The following SKA1 variants were observed in gnomAD, a reference collection of about 807,000 sequenced individuals.
SKA1 encodes the protein SKA complex subunit 1.
In SKA1, 20 loss-of-function variants were observed where a neutral mutation model predicts 31.8. The ratio of observed to expected loss-of-function variants is 0.63; its 90% CI spans 0.44 to 0.91. The LOEUF (loss-of-function observed/expected upper bound fraction) is 0.91. Among genes scored for constraint, SKA1 ranks in the 40% least tolerant of loss-of-function variants. The probability of loss-of-function intolerance (pLI) is 0.00; values close to 1 mark genes in which losing one functional copy is unlikely to be tolerated. For missense variants in SKA1, 253 were observed against 298.2 expected, an observed-to-expected ratio of 0.85 and a Z score of 1.12; for synonymous variants, 88 against 100.5, an observed-to-expected ratio of 0.88 and a Z score of 0.74.
chr18:50,388,653 A>G (rs993468003), intron 5 of SKA1, among the ~76,000 whole-genome samples: 1 of 151,910 alleles, frequency 6.6e-6, no homozygotes, highest in Non-Finnish European at 1.5e-5. Flanking sequence ...TCATCTAACT[A>G]CCCTTCCCCT....
chr18:50,387,177 G>T, intron 5 of SKA1, among the ~76,000 whole-genome samples: 1 of 152,154 alleles, frequency 6.6e-6, no homozygotes, highest in East Asian at 1.9e-4. Flanking sequence ...ATTTGGTATT[G>T]TCAGTGTTCT....
chr18:50,381,721 TGG>T (rs775168670), intron 3 of SKA1, among the ~76,000 whole-genome samples: 1 of 48,338 alleles, frequency 2.1e-5, no homozygotes, highest in African/African-American at 9.8e-5. Context: ...CCAGTCAATG[TGG>T]TTTTTTTTTT....
intron 4 of SKA1, among the ~76,000 whole-genome samples, chr18:50,383,135 T>A (rs2041275971): frequency 6.6e-6 from 1 of 152,190 alleles, no homozygotes; most frequent in African/African-American, 2.4e-5. Context: ...GGTGTGTCTG[T>A]GCTTCTGCTT....
At chr18:50,389,375 C>CCTT (rs2041337881) in intron 5 of SKA1, among the ~76,000 whole-genome samples, 1 of 86,138 alleles carries the variant, frequency 1.2e-5, no homozygotes, top group African/African-American at 5.0e-5. Flanking sequence ...CTTTACCTTT[C>CCTT]TTTTTTTTTT....
At position 50,392,614 on chromosome 18, in the gene SKA1, C is replaced by T. The variant is rs1436927335; in HGVS notation, c.*367C>T. ...GAGCTCCTGAGCTCAAACAATCCAC[C>T]CTCCTCAGCCTCCCAAAGTGCTGGG... On this transcript the variant is annotated 3_prime_UTR_variant, in exon 7 of 7. Transcript: ENST00000285116. 6.3e-6 allele frequency: 1 copy of T among 157,840 alleles called. No homozygotes were observed. Among genetic ancestry groups the T allele is most frequent in the Non-Finnish European group, 1.4e-5 (1 of 72,014 alleles). 9.8% of individuals were successfully genotyped at this position (157,840 alleles called of 1,614,324 possible).
intron 2 of SKA1, among the ~76,000 whole-genome samples, chr18:50,377,122 A>G (rs977596838): frequency 3.9e-5 from 6 of 152,170 alleles, no homozygotes; most frequent in African/African-American, 1.4e-4. Flanking sequence ...TAAACTAGTA[A>G]CCATTTATTA....
Position 50,391,206 on chromosome 18 carries a change from A to C in SKA1, c.532A>C (p.Ile178Leu). ...INKAVISKYK[I>L]LHQPKKSMNS... Reference sequence around the variant, plus strand: ...CAAGGCAGTAATTAGTAAATATAAAATCCTACATCAGCCAAAAAAGTCTAT... The same window carrying C: ...CAAGGCAGTAATTAGTAAATATAAACTCCTACATCAGCCAAAAAAGTCTAT... The change falls in exon 6 of 7, where the codon ATC (isoleucine) becomes CTC (leucine). Residue 178 changes from isoleucine (I) to leucine (L), a missense_variant. Transcript: ENST00000285116. 6.2e-7 allele frequency: 1 copy of C among 1,606,930 alleles called. No homozygotes were observed. The highest frequency in any genetic ancestry group is 1.1e-5 in the South Asian group (1 of 88,886).
At chr18:50,383,900 A>G (rs957319320) in intron 4 of SKA1, among the ~76,000 whole-genome samples, 3 of 152,202 alleles carry the variant, frequency 2.0e-5, no homozygotes, top group East Asian at 3.8e-4. Flanking sequence ...ATTATCATGC[A>G]TTGGGCATCT....
chr18:50,385,847 GC>G (rs2041303389), intron 5 of SKA1, among the ~76,000 whole-genome samples: 1 of 152,132 alleles, frequency 6.6e-6, no homozygotes, highest in Non-Finnish European at 1.5e-5. Flanking sequence ...TTTACATATG[GC>G]AATAATGGGG....
At position 50,383,596 on chromosome 18, in the gene SKA1, T is replaced by C. The variant is rs16951830; in HGVS notation, c.311+1370T>C. On this transcript the variant is annotated intron_variant, in intron 4 of 6. Transcript: ENST00000285116. ...CACCTCGGTGAGGACTTGGCATCTT[T>C]ATCCTGTCTTGCTCTTTCTCAGCCA... Among the ~76,000 whole-genome samples, 733 of 152,370 alleles carry C rather than the reference T, an allele frequency of 4.8e-3. 3 individuals carry two copies. Among genetic ancestry groups the C allele is most frequent in the African/African-American group, 0.017 (706 of 41,586 alleles).
At chr18:50,375,283 G>C (rs1345088055) in intron 1 of SKA1, 89 bp downstream of exon 1, 14 of 152,534 alleles carry the variant, frequency 9.2e-5, no homozygotes. Context: ...GCCGGGCTTG[G>C]GGGAGGACGG....
chr18:50,385,065 G>T, intron 4 of SKA1, 151 bp from the exon 5 acceptor site: 1 of 593,422 alleles, frequency 1.7e-6, no homozygotes, highest in Non-Finnish European at 2.8e-6. Flanking sequence ...TAATGTTCAT[G>T]AACAATAGAC....
At chr18:50,383,621 A>G (rs2041279833) in intron 4 of SKA1, among the ~76,000 whole-genome samples, 1 of 152,162 alleles carries the variant, frequency 6.6e-6, no homozygotes, top group African/African-American at 2.4e-5. Context: ...TTTCTCAGCC[A>G]TTACCTGTCA....
intron 5 of SKA1, among the ~76,000 whole-genome samples, chr18:50,390,853 C>A (rs2041351229): frequency 6.6e-6 from 1 of 152,114 alleles, no homozygotes; most frequent in Non-Finnish European, 1.5e-5. Flanking sequence ...CCATTTGAAT[C>A]AGAATTTGAG....
chr18:50,391,028 A>C (rs2041352497), intron 5 of SKA1, 96 bp from the exon 6 acceptor site: 1 of 831,238 alleles, frequency 1.2e-6, no homozygotes, highest in African/African-American at 1.8e-5. Context: ...CTGTAGTTTT[A>C]CTGTTGTACA....
Position 50,391,233 on chromosome 18 carries a change from A to G in SKA1, c.559A>G (p.Asn187Asp). Reference protein sequence around the residue: ...KILHQPKKSMNSVTRNLYHRF... With the variant: ...KILHQPKKSMDSVTRNLYHRF... The stretch of plus-strand genomic sequence containing the variant: ...CCTACATCAGCCAAAAAAGTCTATG[A>G]ATTCTGTGACCAGAAATCTCTATCA... Residue 187 changes from asparagine to aspartate, a missense_variant, in exon 6 of 7, where the codon AAT becomes GAT. Coordinates refer to ENST00000285116, the MANE Select transcript of SKA1 (RefSeq NM_145060.4). The G allele has an allele frequency of 6.2e-7, 1 of 1,605,076 alleles. No individual in the cohort carries two copies. The highest frequency in any genetic ancestry group is 8.5e-7 in the Non-Finnish European group (1 of 1,177,954).
At chr18:50,381,523 C>A (rs879221798) in intron 3 of SKA1, among the ~76,000 whole-genome samples, 1 of 152,014 alleles carries the variant, frequency 6.6e-6, no homozygotes, top group Admixed American at 6.6e-5. Context: ...AGTTATCTCC[C>A]AAGATTAAAG....
intron 5 of SKA1, among the ~76,000 whole-genome samples, chr18:50,389,387 T>C (rs1052188517): frequency 3.4e-5 from 5 of 147,634 alleles, no homozygotes; most frequent in African/African-American, 1.3e-4. Flanking sequence ...TTTTTTTTTT[T>C]TTTTTTTTTT....
chr18:50,380,910 G>C (rs943111931), intron 3 of SKA1, among the ~76,000 whole-genome samples: 1 of 152,144 alleles, frequency 6.6e-6, no homozygotes, highest in Non-Finnish European at 1.5e-5. Context: ...GATTGAACAA[G>C]GGACCTCCCT....
Sources: allele counts gnomAD v4.1 joint callset (sites outside exome capture counted in the v4.1 genomes callset), GRCh38; gene constraint gnomAD v4.1.1; transcripts MANE v1.5; gene names NCBI Gene and HGNC (gene_info 2026-07-23, HGNC 2026-07-21).